Variants in EPHA6 observed in about 807,000 individuals in gnomAD.
The protein encoded by EPHA6 is EPH receptor A6.
In EPHA6, 50 loss-of-function variants were observed where a neutral mutation model predicts 112.0. The ratio of observed to expected loss-of-function variants is 0.45; its 90% CI spans 0.36 to 0.56. EPHA6 has a LOEUF of 0.56. EPHA6 is among the 20% of genes least tolerant of loss of function. The pLI, the probability that EPHA6 is intolerant of heterozygous loss-of-function variation, is 0.00. For synonymous variants in EPHA6, 529 were observed against 490.7 expected (o/e 1.08, Z -1.03); for missense variants, 1,280 against 1,417.4 (o/e 0.90, Z 1.56).
At chr3:97,109,915 C>T (rs1441169730) in intron 3 of EPHA6, among the ~76,000 whole-genome samples, 5 of 151,742 alleles carry the variant, frequency 3.3e-5, no homozygotes, top group Admixed American at 2.0e-4. Flanking sequence ...AAATAATCAC[C>T]GGGATTAGAA....
chr3:97,584,532 T>C (rs2093470022), intron 11 of EPHA6, among the ~76,000 whole-genome samples: 1 of 152,206 alleles, frequency 6.6e-6, no homozygotes, highest in African/African-American at 2.4e-5. Context: ...TTCAAGGCAT[T>C]TGAGTTTGGT....
At chr3:97,096,292 C>CAT (rs1052543257) in intron 3 of EPHA6, among the ~76,000 whole-genome samples, 4 of 151,016 alleles carry the variant, frequency 2.6e-5, no homozygotes, top group Non-Finnish European at 4.4e-5. Context: ...CACACACACA[C>CAT]ATATATATAC....
intron 10 of EPHA6, among the ~76,000 whole-genome samples, chr3:97,492,090 CATT>C (rs1237469589): frequency 1.3e-5 from 2 of 151,836 alleles, no homozygotes; most frequent in African/African-American, 2.4e-5. Context: ...TTAAGTGAAT[CATT>C]ATTTTTTCAA....
intron 3 of EPHA6, among the ~76,000 whole-genome samples, chr3:97,061,391 C>G (rs1457393718): frequency 6.6e-6 from 1 of 152,092 alleles, no homozygotes; most frequent in African/African-American, 2.4e-5. Flanking sequence ...GTGGTCATAT[C>G]CAAGTATACA....
chr3:97,715,455 A>ATAAACC (rs2034172929), intron 14 of EPHA6, among the ~76,000 whole-genome samples: 1 of 152,214 alleles, frequency 6.6e-6, no homozygotes, highest in Non-Finnish European at 1.5e-5. Context: ...ATATATACTC[A>ATAAACC]TTAATTGAGT....
intron 3 of EPHA6, among the ~76,000 whole-genome samples, chr3:97,102,760 T>A (rs934710271): frequency 6.6e-6 from 1 of 152,066 alleles, no homozygotes; most frequent in Non-Finnish European, 1.5e-5. Context: ...AGCATTTCCT[T>A]TTCTCCACAA....
intron 11 of EPHA6, among the ~76,000 whole-genome samples, chr3:97,589,937 A>G (rs2093527695): frequency 6.6e-6 from 1 of 152,198 alleles, no homozygotes; most frequent in Non-Finnish European, 1.5e-5. Context: ...AGACAGACAG[A>G]GTTAGCAACT....
chr3:96,839,501 C>T (rs1192256266), intron 1 of EPHA6, among the ~76,000 whole-genome samples: 1 of 151,968 alleles, frequency 6.6e-6, no homozygotes, highest in African/African-American at 2.4e-5. Context: ...AGTTTGAGGA[C>T]CGCTGCCCTA....
chr3:97,135,974 T>C (rs2108339624), intron 3 of EPHA6, among the ~76,000 whole-genome samples: 1 of 152,268 alleles, frequency 6.6e-6, no homozygotes, highest in African/African-American at 2.4e-5. Flanking sequence ...TGCTGCATTA[T>C]ATAGACGGAG....
chr3:97,062,686 T>C (rs1002761636), intron 3 of EPHA6, among the ~76,000 whole-genome samples: 6 of 152,206 alleles, frequency 3.9e-5, no homozygotes, highest in Non-Finnish European at 7.3e-5. Flanking sequence ...TGAGATCTGA[T>C]GGTTTTATAA....
intron 3 of EPHA6, among the ~76,000 whole-genome samples, chr3:97,047,208 A>G (rs182843875): frequency 1.7e-4 from 26 of 152,224 alleles, no homozygotes; most frequent in African/African-American, 6.0e-4. Flanking sequence ...TGTAAGATAT[A>G]AGAAACCAGG....
At chr3:97,727,441 C>T (rs2034823407) in intron 15 of EPHA6, among the ~76,000 whole-genome samples, 1 of 152,010 alleles carries the variant, frequency 6.6e-6, no homozygotes, top group Non-Finnish European at 1.5e-5. Context: ...TATAACCTTT[C>T]TCAGTTATGG....
Position 97,176,426 on chromosome 3 carries a change from A to G in EPHA6, c.1115-49838A>G, listed in dbSNP as rs183575960. Among the ~76,000 whole-genome samples, 233 of 151,994 alleles carry G rather than the reference A, an allele frequency of 1.5e-3. 2 individuals carry two copies. The highest frequency in any genetic ancestry group is 0.014 in the Admixed American group (212 of 15,238). ...ACTGGGCTCATAGAATGAGTTTGGA[A>G]TTATTCCCTCCTTCTCTGCTCTTCA... On this transcript the variant is annotated intron_variant, in intron 3 of 17. Coordinates refer to ENST00000389672, the MANE Select transcript of EPHA6 (RefSeq NM_001080448.3).
At chr3:97,026,090 C>T (rs1022631535) in intron 3 of EPHA6, among the ~76,000 whole-genome samples, 2 of 141,278 alleles carry the variant, frequency 1.4e-5, no homozygotes, top group Non-Finnish European at 3.1e-5. Flanking sequence ...TTTATGGGTT[C>T]TCTATTCTGT....
chr3:97,620,662 A>C (rs948334205), intron 13 of EPHA6, among the ~76,000 whole-genome samples: 3 of 152,080 alleles, frequency 2.0e-5, no homozygotes, highest in Non-Finnish European at 4.4e-5. Flanking sequence ...GTATATGAAA[A>C]AACTCAGTAT....
At chr3:96,879,506 TAGG>T (rs1266742870) in intron 2 of EPHA6, among the ~76,000 whole-genome samples, 1 of 152,016 alleles carries the variant, frequency 6.6e-6, no homozygotes. Flanking sequence ...AAGTTAGAGT[TAGG>T]AGGAAAGAGT....
chr3:97,653,615 G>A (rs954124646), intron 14 of EPHA6, among the ~76,000 whole-genome samples: 9 of 151,800 alleles, frequency 5.9e-5, no homozygotes, highest in Non-Finnish European at 1.3e-4. Context: ...GAAAATTAAC[G>A]ATAGAATTAC....
chr3:97,623,852 C>T (rs1421283285), intron 13 of EPHA6, among the ~76,000 whole-genome samples: 2 of 151,652 alleles, frequency 1.3e-5, no homozygotes, highest in East Asian at 3.9e-4. Context: ...CTAATCTATT[C>T]CATTGGTCAA....
chr3:97,307,192 T>C (rs141671109), intron 5 of EPHA6, among the ~76,000 whole-genome samples: 39 of 151,838 alleles, frequency 2.6e-4, no homozygotes, highest in African/African-American at 8.4e-4. Context: ...TCACTACCAG[T>C]TTGGATGCCA....
Sources: gnomAD v4.1 joint callset for allele counts (sites outside exome capture counted in the v4.1 genomes callset) on GRCh38, gnomAD v4.1.1 for gene constraint, MANE v1.5 for transcripts, NCBI Gene and HGNC (gene_info 2026-07-23, HGNC 2026-07-21) for gene names.